The following STXBP4 variants were observed in gnomAD, a reference collection of about 807,000 sequenced individuals.
The protein encoded by STXBP4 is syntaxin-binding protein 4.
STXBP4 carries 55 observed loss-of-function variants against 76.1 expected under a neutral mutation model. The observed-to-expected ratio is 0.72, with a 90% confidence interval of 0.58 to 0.91. The LOEUF (loss-of-function observed/expected upper bound fraction) is 0.91, where lower values mean the gene tolerates loss of function less well. STXBP4 is among the 40% of genes least tolerant of loss of function. The pLI is 0.00. For missense variants in STXBP4, 618 were observed against 636.9 expected (o/e 0.97, Z 0.32); for synonymous variants, 201 against 220.2 (o/e 0.91, Z 0.77).
intron 16 of STXBP4, among the ~76,000 whole-genome samples, chr17:55,124,721 A>G (rs1042079851): frequency 2.0e-5 from 3 of 152,256 alleles, no homozygotes; most frequent in East Asian, 3.8e-4. Flanking sequence ...ACAAAATATC[A>G]CAGCCTGAGA....
At chr17:55,062,885 G>C (rs1322345921) in intron 12 of STXBP4, among the ~76,000 whole-genome samples, 2 of 152,198 alleles carry the variant, frequency 1.3e-5, no homozygotes, top group Non-Finnish European at 2.9e-5. Flanking sequence ...CTGGAAGTTG[G>C]AAAAGGCTTT....
chr17:55,199,238 T>C, the STXBP4 span, among the ~76,000 whole-genome samples: 1 of 152,214 alleles, frequency 6.6e-6, no homozygotes, highest in Non-Finnish European at 1.5e-5. Flanking sequence ...GACAGGATTC[T>C]GCCCAGAACA....
At chr17:55,042,895 T>C (rs577044758) in intron 10 of STXBP4, among the ~76,000 whole-genome samples, 2 of 152,270 alleles carry the variant, frequency 1.3e-5, no homozygotes, top group South Asian at 4.1e-4. Flanking sequence ...AATGAATGTC[T>C]TTAGGGAATA....
the STXBP4 span, among the ~76,000 whole-genome samples, chr17:55,211,825 T>C: frequency 7.1e-6 from 1 of 140,894 alleles, no homozygotes; most frequent in Non-Finnish European, 1.5e-5. Flanking sequence ...TTTTTTTTTT[T>C]TTTGACGGAG....
intron 16 of STXBP4, among the ~76,000 whole-genome samples, chr17:55,117,739 T>C (rs1325149694): frequency 1.3e-5 from 2 of 151,954 alleles, no homozygotes; most frequent in African/African-American, 4.8e-5. Context: ...ACAGAATGTT[T>C]TTAGCATTTA....
Position 55,169,924 on chromosome 17 carries a change from GC to G in STXBP4, c.*10015del. The G allele has an allele frequency of 6.6e-6, 1 of 152,280 alleles. No homozygotes were observed. The highest frequency in any genetic ancestry group is 1.9e-4 in the East Asian group (1 of 5,186). 9.4% of individuals were successfully genotyped at this position (152,280 alleles called of 1,614,324 possible). On this transcript the variant is annotated 3_prime_UTR_variant, in exon 18 of 18. Coordinates refer to ENST00000376352, the MANE Select transcript of STXBP4 (RefSeq NM_178509.6). ...AACTCCCTCATGTACCTTGCTCCTT[GC>G]CAATTTCAAACAAACCTTCTCACCT... is the stretch of plus-strand genomic sequence containing the variant.
intron 8 of STXBP4, among the ~76,000 whole-genome samples, chr17:55,011,408 T>G (rs1282176401): frequency 6.6e-6 from 1 of 151,554 alleles, no homozygotes; most frequent in Admixed American, 6.6e-5. Context: ...TATGTACCTC[T>G]CCCCAAAAGA....
intron 1 of STXBP4, among the ~76,000 whole-genome samples, chr17:54,979,106 A>G (rs1311922955): frequency 6.6e-6 from 1 of 152,208 alleles, no homozygotes; most frequent in African/African-American, 2.4e-5. Context: ...TATTAAAATG[A>G]ACTGGTATCC....
chr17:55,052,915 A>ATG (rs2078876616), intron 12 of STXBP4, among the ~76,000 whole-genome samples: 2 of 66,068 alleles, frequency 3.0e-5, no homozygotes, highest in Non-Finnish European at 5.7e-5. Flanking sequence ...GACGTGTATG[A>ATG]CGTGTGTGTG....
the STXBP4 span, among the ~76,000 whole-genome samples, chr17:55,213,226 TG>T: frequency 6.6e-6 from 1 of 152,110 alleles, no homozygotes; most frequent in Non-Finnish European, 1.5e-5. Context: ...CAAGAAGACT[TG>T]AACAGGTCAG....
intron 17 of STXBP4, among the ~76,000 whole-genome samples, chr17:55,141,723 A>G (rs2080096877): frequency 1.3e-5 from 2 of 152,224 alleles, no homozygotes; most frequent in Non-Finnish European, 2.9e-5. Context: ...GTTCTTAACA[A>G]TAATGCTAAT....
chr17:55,038,021 G>A (rs2078634335), intron 10 of STXBP4, among the ~76,000 whole-genome samples: 1 of 152,104 alleles, frequency 6.6e-6, no homozygotes, highest in South Asian at 2.1e-4. Flanking sequence ...GACTGTCTGT[G>A]AGGGTGGGGA....
At chr17:55,203,840 A>G in the STXBP4 span, among the ~76,000 whole-genome samples, 1 of 151,920 alleles carries the variant, frequency 6.6e-6, no homozygotes, top group African/African-American at 2.4e-5. Context: ...TTTGAAGGTG[A>G]TCTTTTTTTT....
chr17:55,137,937 A>T (rs1477621800), intron 16 of STXBP4, among the ~76,000 whole-genome samples: 1 of 152,162 alleles, frequency 6.6e-6, no homozygotes, highest in African/African-American at 2.4e-5. Context: ...TGAACATGGT[A>T]TCTCATAATA....
chr17:55,146,085 A>G (rs984230301), intron 17 of STXBP4, among the ~76,000 whole-genome samples: 2 of 152,172 alleles, frequency 1.3e-5, no homozygotes, highest in Non-Finnish European at 2.9e-5. Flanking sequence ...TGCTTTATAC[A>G]TATGTTATAT....
chr17:55,145,834 A>C (rs1036278247), intron 17 of STXBP4, among the ~76,000 whole-genome samples: 2 of 152,198 alleles, frequency 1.3e-5, no homozygotes, highest in Non-Finnish European at 1.5e-5. Flanking sequence ...TACATTATTT[A>C]TTAGTTTTAA....
chr17:55,196,350 A>G, the STXBP4 span, among the ~76,000 whole-genome samples: 1 of 152,134 alleles, frequency 6.6e-6, no homozygotes, highest in Non-Finnish European at 1.5e-5. Flanking sequence ...CCCATACTCC[A>G]GCCAGCTCCA....
intron 16 of STXBP4, among the ~76,000 whole-genome samples, chr17:55,136,815 G>T (rs1377443472): frequency 6.6e-6 from 1 of 151,918 alleles, no homozygotes; most frequent in African/African-American, 2.4e-5. Context: ...TTGAGGAAAG[G>T]ATTGTAAAAA....
At position 55,164,541 on chromosome 17, in the gene STXBP4, C is replaced by T. The variant is rs946693187; in HGVS notation, c.*4630C>T. On this transcript the variant is annotated 3_prime_UTR_variant, in exon 18 of 18. Coordinates refer to ENST00000376352, the MANE Select transcript of STXBP4 (RefSeq NM_178509.6). Reference sequence around the variant, plus strand: ...TCTCGGCTCACTGCAAGCTCCGCTTCCCGGGTTCACGCCATTCTCCTGCCT... The same window carrying T: ...TCTCGGCTCACTGCAAGCTCCGCTTTCCGGGTTCACGCCATTCTCCTGCCT... 3 of 148,844 alleles carry T rather than the reference C, an allele frequency of 2.0e-5. No individual in the cohort carries two copies. Among genetic ancestry groups the T allele is most frequent in the Non-Finnish European group, 3.0e-5 (2 of 67,414 alleles). 9.2% of individuals were successfully genotyped at this position (148,844 alleles called of 1,614,324 possible).
Sources: gnomAD v4.1 joint callset for allele counts (sites outside exome capture counted in the v4.1 genomes callset) on GRCh38, gnomAD v4.1.1 for gene constraint, MANE v1.5 for transcripts, NCBI Gene and HGNC (gene_info 2026-07-23, HGNC 2026-07-21) for gene names.